Variants in FHAD1 observed in about 807,000 individuals in gnomAD.
FHAD1 encodes forkhead associated phosphopeptide binding domain 1.
Under a neutral mutation model 191.3 loss-of-function variants are expected in FHAD1, and 146 were observed. That is an observed-to-expected ratio of 0.76 (90% confidence interval 0.67 to 0.88). The LOEUF is 0.88. Among genes scored for constraint, FHAD1 ranks in the 40% least tolerant of loss-of-function variants. The probability of loss-of-function intolerance (pLI) is 0.00; values close to 1 mark genes in which losing one functional copy is unlikely to be tolerated. For synonymous variants in FHAD1, 616 were observed against 672.3 expected (o/e 0.92, Z 1.29); for missense variants, 1,635 against 1,785.8 (o/e 0.92, Z 1.52).
chr1:15,333,824 CTTTTTT>C (rs55698715), intron 14 of FHAD1, among the ~76,000 whole-genome samples: 52 of 64,808 alleles, frequency 8.0e-4, no homozygotes, highest in Middle Eastern at 0.029. Context: ...TTTTATTTAT[CTTTTTT>C]TTTTTTTTTT....
At chr1:15,394,708 G>C (rs899194862) in intron 33 of FHAD1, among the ~76,000 whole-genome samples, 2 of 152,144 alleles carry the variant, frequency 1.3e-5, no homozygotes, top group African/African-American at 4.8e-5. Context: ...AGGCAGGATC[G>C]ATATTCATCC....
intron 8 of FHAD1, among the ~76,000 whole-genome samples, chr1:15,315,662 A>G (rs1026256621): frequency 6.6e-6 from 1 of 151,640 alleles, no homozygotes; most frequent in Admixed American, 6.6e-5. Flanking sequence ...ATTTTTTTGT[A>G]TTTTTAGTAG....
chr1:15,280,276 A>T (rs1006974029), intron 3 of FHAD1, among the ~76,000 whole-genome samples: 2 of 152,286 alleles, frequency 1.3e-5, no homozygotes, highest in African/African-American at 2.4e-5. Context: ...GTCATCTCCC[A>T]TCCCGATCGT....
chr1:15,317,879 G>C lies in FHAD1; in HGVS notation c.1316G>C (p.Ser439Thr). 1 of 1,551,790 alleles carries C rather than the reference G, an allele frequency of 6.4e-7. No homozygotes were observed. Among genetic ancestry groups the C allele is most frequent in the African/African-American group, 1.4e-5 (1 of 73,198 alleles). ...AAGCTTAGGGCAGAGCTGAGGAAGA[G>C]TTGTACTGAACAAAGCGTGATCTCT... is the stretch of plus-strand genomic sequence containing the variant. Reference protein sequence around the residue: ...MKKLRAELRKSCTEQSVISRT... With the variant: ...MKKLRAELRKTCTEQSVISRT... The change falls in exon 10 of 34, where the codon AGT becomes ACT. Residue 439 changes from serine to threonine, a missense_variant. Coordinates refer to ENST00000688493, the MANE Select transcript of FHAD1 (RefSeq NM_001391957.1).
In FHAD1 at chr1:15,259,856, TATG is replaced by T. The variant is rs1290848691; in HGVS notation, c.93+7981_93+7983del. 4.6e-5 allele frequency among the ~76,000 whole-genome samples: 7 copies of T among 152,134 alleles called. No homozygotes were observed. The East Asian group carries it at 1.4e-3, about 29-fold the overall frequency. ...ACAAGAGAAAGCCTGGTTTGCCAGG[TATG>T]ACAGGCCAGAAAGGGCCCCCCTCTC... On this transcript the variant is annotated intron_variant, in intron 2 of 33. Transcript: ENST00000688493.
At chr1:15,331,385 A>C (rs563543378) in intron 14 of FHAD1, among the ~76,000 whole-genome samples, 2 of 149,168 alleles carry the variant, frequency 1.3e-5, no homozygotes. Flanking sequence ...GACGGATGGA[A>C]GAAAGGATGG....
At chr1:15,356,167 G>A (rs1488540692) in intron 20 of FHAD1, among the ~76,000 whole-genome samples, 1 of 152,206 alleles carries the variant, frequency 6.6e-6, no homozygotes, top group Non-Finnish European at 1.5e-5. Flanking sequence ...TATACGATGT[G>A]TCAACCTTAA....
In FHAD1 at chr1:15,289,504, C is replaced by A; in HGVS notation, c.406C>A (p.His136Asn). The A allele has an allele frequency of 6.4e-7, 1 of 1,551,898 alleles. No homozygotes were observed. The highest frequency in any genetic ancestry group is 8.7e-7 in the Non-Finnish European group (1 of 1,147,040). The change falls in exon 4 of 34, where the codon CAC (histidine) becomes AAC (asparagine). Residue 136 changes from histidine to asparagine, a missense_variant. His to Asn is a moderately conservative substitution (Grantham distance 68). Coordinates refer to ENST00000688493, the MANE Select transcript of FHAD1 (RefSeq NM_001391957.1). The surrounding 1 kb of genome is among the most constrained non-coding windows in gnomAD (Gnocchi z 4.2). The stretch of plus-strand genomic sequence containing the variant: ...CCCCCCACCATCACATATCCCCTTC[C>A]ACCAAGGTGTCCAGCCAGCACCGAT... ...QAPPPSHIPF[H>N]QGVQPAPMQR...
At chr1:15,299,233 G>C (rs1322017939) in intron 5 of FHAD1, among the ~76,000 whole-genome samples, 1 of 126,096 alleles carries the variant, frequency 7.9e-6, no homozygotes, top group African/African-American at 3.5e-5. Flanking sequence ...AAAAAAAAAA[G>C]AAAGAAAGAA....
intron 7 of FHAD1, among the ~76,000 whole-genome samples, chr1:15,309,241 T>C (rs1271104107): frequency 6.6e-6 from 1 of 152,226 alleles, no homozygotes; most frequent in East Asian, 1.9e-4. Context: ...GGCAGCCAAC[T>C]CATGGCCCAC....
chr1:15,258,584 CTTTT>C (rs951362853), intron 2 of FHAD1, among the ~76,000 whole-genome samples: 2 of 131,110 alleles, frequency 1.5e-5, no homozygotes, highest in Non-Finnish European at 3.6e-5. Flanking sequence ...CTCTGTCTCT[CTTTT>C]TTTTTTTTTT....
At chr1:15,259,997 G>A (rs868503383) in intron 2 of FHAD1, among the ~76,000 whole-genome samples, 6 of 152,226 alleles carry the variant, frequency 3.9e-5, no homozygotes, top group African/African-American at 7.2e-5. Context: ...AAAAGGCCAC[G>A]TAAGCTAGGC....
chr1:15,246,767 A>G (rs945311089), upstream of FHAD1, among the ~76,000 whole-genome samples: 2 of 152,034 alleles, frequency 1.3e-5, no homozygotes, highest in African/African-American at 4.8e-5. Flanking sequence ...AAAATTTTTC[A>G]TTCCACCCCA....
chr1:15,338,113 T>G (rs1685021170), intron 14 of FHAD1, among the ~76,000 whole-genome samples: 1 of 152,182 alleles, frequency 6.6e-6, no homozygotes, highest in South Asian at 2.1e-4. Flanking sequence ...GGAGGAGCAC[T>G]GCCTTTTCCA....
chr1:15,346,819 A>C (rs2102380126), intron 18 of FHAD1, among the ~76,000 whole-genome samples: 1 of 152,352 alleles, frequency 6.6e-6, no homozygotes, highest in East Asian at 1.9e-4. Flanking sequence ...TGGCTGCAGC[A>C]GACCTACCGC....
chr1:15,237,431 T>A (rs906810783), intron 1 of FHAD1, among the ~76,000 whole-genome samples: 1 of 152,138 alleles, frequency 6.6e-6, no homozygotes, highest in African/African-American at 2.4e-5. Flanking sequence ...CCTGAAATCC[T>A]ACCCATCCTT....
At chr1:15,361,320 G>C (rs1247184540) in intron 22 of FHAD1, among the ~76,000 whole-genome samples, 1 of 152,164 alleles carries the variant, frequency 6.6e-6, no homozygotes, top group South Asian at 2.1e-4. Flanking sequence ...GCACTATCAG[G>C]TGTTAGCAGC....
chr1:15,248,945 A>G (rs867138868), intron 1 of FHAD1, among the ~76,000 whole-genome samples: 1 of 152,120 alleles, frequency 6.6e-6, no homozygotes, highest in Admixed American at 6.5e-5. Context: ...CACTATCCCT[A>G]TCCTCTCAGG....
chr1:15,279,768 TCTGA>T (rs1369848063), intron 3 of FHAD1, among the ~76,000 whole-genome samples: 2 of 151,844 alleles, frequency 1.3e-5, no homozygotes, highest in African/African-American at 4.8e-5. Context: ...CATGGAATGC[TCTGA>T]CTGGCCAGGC....
Sources: gnomAD v4.1 joint callset for allele counts (sites outside exome capture counted in the v4.1 genomes callset) on GRCh38, gnomAD v4.1.1 for gene constraint, Gnocchi (gnomAD v3.1) non-coding constraint, MANE v1.5 for transcripts, NCBI Gene and HGNC (gene_info 2026-07-23, HGNC 2026-07-21) for gene names.